PANK1: variants seen among roughly 807,000 people sequenced by gnomAD.
PANK1 encodes the protein pantothenic acid kinase 1.
A neutral mutation model predicts 40.1 loss-of-function variants in PANK1; 18 were observed. That is an observed-to-expected ratio of 0.45 (90% CI 0.31 to 0.67). PANK1 has a LOEUF of 0.67. Among genes scored for constraint, PANK1 ranks in the 30% least tolerant of loss-of-function variants. The pLI, the probability that PANK1 is intolerant of heterozygous loss-of-function variation, is 0.06. For missense variants in PANK1, 457 were observed against 599.6 expected (o/e 0.76, Z 2.48); for synonymous variants, 242 against 237.7 (o/e 1.02, Z -0.17).
In PANK1 at chr10:89,593,180, G is replaced by A. The variant is rs369341128; in HGVS notation, c.1200+17C>T. ...ATGAATGACACACAGCTTTCACCGG[G>A]TTGAGTAAGGCCTTACCTCATTCAA... On this transcript the variant is annotated intron_variant, in intron 5 of 6. Coordinates refer to ENST00000307534, the MANE Select transcript of PANK1 (RefSeq NM_148977.3). 130 of 1,612,218 alleles carry A rather than the reference G, an allele frequency of 8.1e-5. No individual in the cohort carries two copies. In the African/African-American group the frequency reaches 1.5e-3, roughly 19 times the overall value.
intron 5 of PANK1, among the ~76,000 whole-genome samples, chr10:89,590,339 T>C (rs12414275): frequency 0.037 from 5,562 of 152,164 alleles, 375 homozygotes; most frequent in East Asian, 0.27. Context: ...GAGTAAATAA[T>C]ATTAATAGTT....
intron 1 of PANK1, among the ~76,000 whole-genome samples, chr10:89,630,292 CCAG>C (rs1841597029): frequency 6.6e-6 from 1 of 152,238 alleles, no homozygotes; most frequent in Middle Eastern, 3.4e-3. Context: ...ATGAGTTAAT[CCAG>C]CAGCAGCAGC....
chr10:89,626,308 T>C (rs546980036), intron 1 of PANK1: 26 of 150,946 alleles, frequency 1.7e-4, no homozygotes, highest in African/African-American at 5.8e-4. Flanking sequence ...TCAGCATTTT[T>C]TTTTTTTTTT....
chr10:89,588,877 T>G lies in PANK1; in HGVS notation c.1201-100A>C, dbSNP rs1034115479. On this transcript the variant is annotated intron_variant, in intron 5 of 6. Coordinates refer to ENST00000307534, the MANE Select transcript of PANK1 (RefSeq NM_148977.3). ...TGTCTCTGTACAGAACCTTGAAGAG[T>G]GAATATTCCTTGTTTTTTTGGTGGA... 25 of 729,048 alleles carry G rather than the reference T, an allele frequency of 3.4e-5. No individual in the cohort carries two copies. In the African/African-American group the frequency reaches 4.2e-4, roughly 12 times the overall value. The allele number at this position is 729,048 out of a possible 1,614,324, so 45.2% of individuals were successfully genotyped here.
intron 1 of PANK1, chr10:89,626,739 G>C (rs11185819): frequency 0.22 from 34,226 of 152,130 alleles, 4,140 homozygotes; most frequent in East Asian, 0.49. Flanking sequence ...TCAGCAACCA[G>C]AGCTGAGCAC....
chr10:89,615,242 T>A (rs1379077097), intron 1 of PANK1, among the ~76,000 whole-genome samples: 1 of 152,170 alleles, frequency 6.6e-6, no homozygotes, highest in East Asian at 1.9e-4. Flanking sequence ...CAGAAAACAA[T>A]CTAGTTCTGT....
At chr10:89,590,432 C>G (rs900786506) in intron 5 of PANK1, among the ~76,000 whole-genome samples, 1 of 151,884 alleles carries the variant, frequency 6.6e-6, no homozygotes, top group African/African-American at 2.4e-5. Flanking sequence ...AAACTTGTAC[C>G]GTTATAACCC....
At chr10:89,594,285 T>A (rs1457429448) in intron 3 of PANK1, among the ~76,000 whole-genome samples, 1 of 152,206 alleles carries the variant, frequency 6.6e-6, no homozygotes. Context: ...GAGTGCTTTG[T>A]TCAGCCTTCC....
At chr10:89,617,960 A>T (rs1185061883) in intron 1 of PANK1, among the ~76,000 whole-genome samples, 1 of 152,230 alleles carries the variant, frequency 6.6e-6, no homozygotes, top group Admixed American at 6.5e-5. Flanking sequence ...CAACTCTCTA[A>T]AGTCAGGAAG....
At chr10:89,619,539 T>TCCTGGTGAGGCACAAGGAACAAGTG (rs1305705356) in intron 1 of PANK1, among the ~76,000 whole-genome samples, 7 of 152,218 alleles carry the variant, frequency 4.6e-5, no homozygotes, top group Non-Finnish European at 5.9e-5. Flanking sequence ...TAAGAAGTGT[T>TCCTGGTGAGGCACAAGGAACAAGTG]CCTGGTGAGG....
At position 89,599,496 on chromosome 10, in the gene PANK1, G is replaced by A. The variant is rs770125830; in HGVS notation, c.655C>T (p.Leu219=). 1.9e-6 allele frequency: 3 copies of A among 1,612,648 alleles called. No individual in the cohort carries two copies. In the South Asian group the frequency reaches 3.3e-5, roughly 18 times the overall value. ...AGTTCATCCAGTTTATGCAGCTGCA[G>A]GTCAGCAATCTAAAACAAAACACAC... ...FEEDFRMIAD[L]QLHKLDELDC... The change falls in exon 3 of 7, where the codon CTG becomes TTG. Residue 219 remains leucine, a synonymous_variant. Coordinates refer to ENST00000307534, the MANE Select transcript of PANK1 (RefSeq NM_148977.3).
chr10:89,606,454 C>T (rs949451348), intron 2 of PANK1, among the ~76,000 whole-genome samples: 1 of 152,236 alleles, frequency 6.6e-6, no homozygotes, highest in Admixed American at 6.5e-5. Context: ...TTATCTTGCA[C>T]TTTAATGTTA....
intron 1 of PANK1, among the ~76,000 whole-genome samples, chr10:89,624,539 T>C (rs1845601558): frequency 1.3e-5 from 2 of 152,252 alleles, no homozygotes. Context: ...CCATCCACTT[T>C]GCATTTGCAA....
At chr10:89,644,425 G>A (rs1423382383) in intron 1 of PANK1, among the ~76,000 whole-genome samples, 175 bp downstream of exon 1, 6 of 152,370 alleles carry the variant, frequency 3.9e-5, no homozygotes, top group Admixed American at 3.9e-4. Flanking sequence ...GACCTGTAGT[G>A]CTTGATGTCC....
chr10:89,637,385 C>T (rs773261854), intron 1 of PANK1, among the ~76,000 whole-genome samples: 1 of 152,188 alleles, frequency 6.6e-6, no homozygotes, highest in Non-Finnish European at 1.5e-5. Context: ...AGTGTACTTA[C>T]ACAACCCTAG....
At chr10:89,619,744 A>G (rs1349870091) in intron 1 of PANK1, among the ~76,000 whole-genome samples, 1 of 152,224 alleles carries the variant, frequency 6.6e-6, no homozygotes, top group Non-Finnish European at 1.5e-5. Context: ...TACTATGAAT[A>G]GGGTGCAGCA....
intron 5 of PANK1, among the ~76,000 whole-genome samples, chr10:89,589,977 A>G (rs893847138): frequency 6.6e-6 from 1 of 151,434 alleles, no homozygotes; most frequent in African/African-American, 2.4e-5. Flanking sequence ...TGGCATTAAA[A>G]CTGGAAGAGC....
Position 89,583,158 on chromosome 10 carries a change from G to C in PANK1, c.*1248C>G, listed in dbSNP as rs943033239. The C allele has an allele frequency of 6.6e-6, 1 of 151,946 alleles. No homozygotes were observed. The highest frequency in any genetic ancestry group is 1.5e-5 in the Non-Finnish European group (1 of 67,956). 9.4% of individuals were successfully genotyped at this position (151,946 alleles called of 1,614,324 possible). ...CTTCAAAAATCCCTTTCAACAATAA[G>C]CTCAATACACAAGATCATGGGATCT... is the stretch of plus-strand genomic sequence containing the variant. On this transcript the variant is annotated 3_prime_UTR_variant, in exon 7 of 7. Transcript: ENST00000307534.
chr10:89,585,135 T>C (rs1589752275), intron 6 of PANK1, among the ~76,000 whole-genome samples: 1 of 152,148 alleles, frequency 6.6e-6, no homozygotes, highest in African/African-American at 2.4e-5. Context: ...AAAATCAAGG[T>C]GTCTGGTGAG....
Sources: allele counts gnomAD v4.1 joint callset (sites outside exome capture counted in the v4.1 genomes callset), GRCh38; gene constraint gnomAD v4.1.1; transcripts MANE v1.5; gene names NCBI Gene and HGNC (gene_info 2026-07-23, HGNC 2026-07-21).